Variants in IFT43 observed in about 807,000 individuals in gnomAD.
IFT43 encodes intraflagellar transport protein 43 homolog.
IFT43 carries 33 observed loss-of-function variants against 32.3 expected under a neutral mutation model. That is an observed-to-expected ratio of 1.02 (90% CI 0.77 to 1.37). The LOEUF (loss-of-function observed/expected upper bound fraction) is 1.37, where lower values mean the gene tolerates loss of function less well. Ranked by LOEUF, IFT43 falls within the 40% of genes most tolerant of loss-of-function variation. The probability of loss-of-function intolerance (pLI) is 0.00; values close to 1 mark genes in which losing one functional copy is unlikely to be tolerated. For missense variants in IFT43, 274 were observed against 265.9 expected, an observed-to-expected ratio of 1.03 and a Z score of -0.21; for synonymous variants, 93 against 98.2, an observed-to-expected ratio of 0.95 and a Z score of 0.31.
chr14:76,070,032 CTT>C (rs1485807250), intron 5 of IFT43, among the ~76,000 whole-genome samples: 1 of 152,216 alleles, frequency 6.6e-6, no homozygotes, highest in African/African-American at 2.4e-5. Flanking sequence ...CAGTTGAAGA[CTT>C]AATTCTGCAA....
chr14:76,044,043 C>CTT (rs869050646), intron 3 of IFT43, among the ~76,000 whole-genome samples: 5 of 146,168 alleles, frequency 3.4e-5, no homozygotes, highest in Non-Finnish European at 7.6e-5. Flanking sequence ...TGTTATTTCT[C>CTT]TTTTTTTTTT....
rs369963415 is a variant in IFT43, at chr14:75,999,186, C to T, written c.147+10209C>T. Among the ~76,000 whole-genome samples the T allele has an allele frequency of 2.1e-3, 161 of 77,910 alleles. 4 individuals are homozygous for T. In the South Asian group the frequency reaches 0.056, roughly 27 times the overall value. 51.1% of individuals were successfully genotyped at this position (77,910 alleles called of 152,430 possible). On this transcript the variant is annotated intron_variant, in intron 2 of 8. Transcript: ENST00000314067. ...CTCCATTTTGCTTTGCCCATTCATT[C>T]ATTTATATATATATAATATTCATTT...
chr14:75,987,848 T>G (rs188810937), intron 1 of IFT43, among the ~76,000 whole-genome samples: 31 of 152,342 alleles, frequency 2.0e-4, no homozygotes, highest in African/African-American at 7.5e-4. Flanking sequence ...AAAGATAATG[T>G]CTCAAAATTC....
intron 3 of IFT43, chr14:76,058,319 A>C: frequency 2.8e-6 from 1 of 352,298 alleles, no homozygotes; most frequent in Non-Finnish European, 5.5e-6. Context: ...AGCACTCTAT[A>C]AATCAGTCAG....
chr14:76,035,624 G>A (rs1203860055), intron 3 of IFT43, among the ~76,000 whole-genome samples: 1 of 152,214 alleles, frequency 6.6e-6, no homozygotes, highest in Non-Finnish European at 1.5e-5. Flanking sequence ...GGAGCCAGAG[G>A]GCTCCTAGAT....
At chr14:76,042,791 A>G (rs2036731944) in intron 3 of IFT43, among the ~76,000 whole-genome samples, 1 of 152,204 alleles carries the variant, frequency 6.6e-6, no homozygotes, top group South Asian at 2.1e-4. Context: ...GCCAGGTTCT[A>G]GTTACAGGTG....
intron 2 of IFT43, among the ~76,000 whole-genome samples, chr14:76,020,458 GA>G (rs2036269532): frequency 1.3e-5 from 2 of 152,034 alleles, no homozygotes; most frequent in South Asian, 4.2e-4. Flanking sequence ...TTCTTACATT[GA>G]TATCTGTGTA....
At chr14:76,058,844 A>G (rs991874767) in intron 4 of IFT43, 170 bp downstream of exon 4, 1 of 1,535,458 alleles carries the variant, frequency 6.5e-7, no homozygotes, top group African/African-American at 1.4e-5. Context: ...CGCTTCCTCA[A>G]CTGAAGGTCT....
intron 3 of IFT43, among the ~76,000 whole-genome samples, chr14:76,043,525 G>T (rs4903370): frequency 0.3 from 46,151 of 151,800 alleles, 8,287 homozygotes; most frequent in East Asian, 0.43. Flanking sequence ...GGAGTGCAGT[G>T]GTGCGATCTT....
chr14:76,082,735 A>G lies in IFT43; in HGVS notation c.444+43A>G, dbSNP rs2037534314. 4 of 1,347,454 alleles carry G rather than the reference A, an allele frequency of 3.0e-6. No individual in the cohort carries two copies. The East Asian group carries it at 9.2e-5, about 31-fold the overall frequency. 83.5% of individuals were successfully genotyped at this position (1,347,454 alleles called of 1,614,324 possible). Reference sequence around the variant, plus strand: ...TGCATAGAGAGGCGGGCTCCAAGCAATGGGCTTCAATCCGTAGAGATTTCT... The same window carrying G: ...TGCATAGAGAGGCGGGCTCCAAGCAGTGGGCTTCAATCCGTAGAGATTTCT... On this transcript the variant is annotated intron_variant, in intron 7 of 8. Transcript: ENST00000314067.
intron 3 of IFT43, among the ~76,000 whole-genome samples, chr14:76,054,416 G>T (rs1357748327): frequency 6.6e-6 from 1 of 152,220 alleles, no homozygotes; most frequent in Non-Finnish European, 1.5e-5. Flanking sequence ...AAGGCTTGAG[G>T]CAAAGTGTTT....
intron 3 of IFT43, among the ~76,000 whole-genome samples, chr14:76,047,908 A>G (rs2036840194): frequency 6.6e-6 from 1 of 152,088 alleles, no homozygotes. Flanking sequence ...AAGGGGAGGC[A>G]GGGTTGGTGA....
intron 5 of IFT43, chr14:76,076,539 G>A: frequency 6.2e-7 from 1 of 1,608,582 alleles, no homozygotes; most frequent in South Asian, 1.1e-5. Context: ...GCTGGGTAGT[G>A]CTTGGGGTAT....
At chr14:75,990,032 T>C (rs906172446) in intron 2 of IFT43, among the ~76,000 whole-genome samples, 1 of 152,242 alleles carries the variant, frequency 6.6e-6, no homozygotes, top group Non-Finnish European at 1.5e-5. Context: ...TACTTTAAGA[T>C]AACATCTGTG....
intron 5 of IFT43, among the ~76,000 whole-genome samples, chr14:76,067,532 C>G (rs1240402218): frequency 2.6e-5 from 4 of 151,578 alleles, no homozygotes; most frequent in Non-Finnish European, 5.9e-5. Context: ...ATCGCACTAC[C>G]GCACTCACCA....
At chr14:75,990,695 A>G (rs954152884) in intron 2 of IFT43, among the ~76,000 whole-genome samples, 1 of 152,170 alleles carries the variant, frequency 6.6e-6, no homozygotes, top group Non-Finnish European at 1.5e-5. Flanking sequence ...TAAAGTAGGA[A>G]TTTGGTGAAA....
At chr14:76,036,662 C>T (rs535379438) in intron 3 of IFT43, among the ~76,000 whole-genome samples, 142 of 152,296 alleles carry the variant, frequency 9.3e-4, no homozygotes, top group Non-Finnish European at 1.8e-3. Flanking sequence ...GTCTCGGCCT[C>T]CCAAAGTGCT....
intron 3 of IFT43, among the ~76,000 whole-genome samples, chr14:76,024,956 A>G (rs1401272111): frequency 1.3e-5 from 2 of 152,256 alleles, no homozygotes; most frequent in Non-Finnish European, 1.5e-5. Context: ...AAGTGGAGTC[A>G]TAGATGCCTG....
At chr14:76,030,105 C>T (rs2036480719) in intron 3 of IFT43, among the ~76,000 whole-genome samples, 1 of 151,942 alleles carries the variant, frequency 6.6e-6, no homozygotes, top group Non-Finnish European at 1.5e-5. Flanking sequence ...TGAGGCTGGT[C>T]TCAAACTCCT....
Sources: gnomAD v4.1 joint callset for allele counts (sites outside exome capture counted in the v4.1 genomes callset) on GRCh38, gnomAD v4.1.1 for gene constraint, MANE v1.5 for transcripts, NCBI Gene and HGNC (gene_info 2026-07-23, HGNC 2026-07-21) for gene names.